CSMD3: variants seen among roughly 807,000 people sequenced by gnomAD.
The protein encoded by CSMD3 is CUB and Sushi multiple domains 3.
In CSMD3, 177 loss-of-function variants were observed where a neutral mutation model predicts 435.2. That is an observed-to-expected ratio of 0.41 (90% CI 0.36 to 0.46). CSMD3 has a LOEUF of 0.46. Ranked by LOEUF, CSMD3 falls within the 20% of genes least tolerant of loss-of-function variation. CSMD3 has a pLI of 0.34. For missense variants in CSMD3, 4,265 were observed against 4,504.6 expected, an observed-to-expected ratio of 0.95 and a Z score of 1.52; for synonymous variants, 1,656 against 1,520.5, an observed-to-expected ratio of 1.09 and a Z score of -2.07.
chr8:112,858,158 A>T (rs2080720233), intron 11 of CSMD3, among the ~76,000 whole-genome samples: 1 of 151,678 alleles, frequency 6.6e-6, no homozygotes, highest in African/African-American at 2.4e-5. Flanking sequence ...AATTCCCGGG[A>T]GGCAATATAT....
intron 13 of CSMD3, among the ~76,000 whole-genome samples, chr8:112,690,699 T>A (rs2076116435): frequency 6.6e-6 from 1 of 151,652 alleles, no homozygotes; most frequent in Admixed American, 6.6e-5. Context: ...GGAAAGAGAT[T>A]GAAAAAAATA....
At chr8:113,038,098 G>C (rs1293310903) in intron 5 of CSMD3, among the ~76,000 whole-genome samples, 1 of 152,118 alleles carries the variant, frequency 6.6e-6, no homozygotes, top group Admixed American at 6.5e-5. Context: ...CAATTAGGCA[G>C]AAAATAGACT....
intron 10 of CSMD3, among the ~76,000 whole-genome samples, chr8:112,890,286 T>C (rs982183857): frequency 4.0e-5 from 6 of 151,618 alleles, no homozygotes; most frequent in African/African-American, 1.5e-4. Flanking sequence ...CCAGCACTTC[T>C]TTTAGAGGGA....
At chr8:112,943,299 T>G (rs966773538) in intron 9 of CSMD3, among the ~76,000 whole-genome samples, 1 of 151,804 alleles carries the variant, frequency 6.6e-6, no homozygotes, top group African/African-American at 2.4e-5. Flanking sequence ...GTCTTCACAG[T>G]GCTTTTTATA....
At chr8:112,267,705 G>A (rs1259407876) in intron 59 of CSMD3, among the ~76,000 whole-genome samples, 1 of 152,098 alleles carries the variant, frequency 6.6e-6, no homozygotes, top group African/African-American at 2.4e-5. Context: ...GCCACCAAAA[G>A]AGAGGACAGA....
chr8:113,400,906 T>C (rs1448212561), intron 1 of CSMD3, among the ~76,000 whole-genome samples: 1 of 151,824 alleles, frequency 6.6e-6, no homozygotes, highest in African/African-American at 2.4e-5. Context: ...TTAAGTTTGA[T>C]TGGAACAAGT....
intron 2 of CSMD3, among the ~76,000 whole-genome samples, chr8:113,307,986 G>A (rs1172613603): frequency 6.6e-6 from 1 of 152,054 alleles, no homozygotes; most frequent in Non-Finnish European, 1.5e-5. Flanking sequence ...TTCACAGAAT[G>A]AGAGCTTTAA....
At chr8:112,300,067 C>T (rs1251300244) in intron 53 of CSMD3, among the ~76,000 whole-genome samples, 1 of 147,972 alleles carries the variant, frequency 6.8e-6, no homozygotes, top group African/African-American at 2.5e-5. Context: ...ATTTAAAATG[C>T]TTTTAAAATT....
At chr8:112,686,753 T>C (rs1034215562) in intron 14 of CSMD3, among the ~76,000 whole-genome samples, 2 of 152,272 alleles carry the variant, frequency 1.3e-5, no homozygotes, top group East Asian at 1.9e-4. Flanking sequence ...CCGTAAGTAA[T>C]GGGATTACAG....
intron 9 of CSMD3, among the ~76,000 whole-genome samples, chr8:112,924,685 T>G (rs2082857437): frequency 6.6e-6 from 1 of 151,968 alleles, no homozygotes; most frequent in Admixed American, 6.6e-5. Context: ...TAATGGTCTC[T>G]GAAGCTTCTA....
At chr8:112,381,627 T>C (rs1248585453) in intron 37 of CSMD3, among the ~76,000 whole-genome samples, 1 of 152,186 alleles carries the variant, frequency 6.6e-6, no homozygotes, top group African/African-American at 2.4e-5. Context: ...AAAGAATTTA[T>C]TACACAGCAC....
At chr8:113,409,833 G>A (rs1447614819) in intron 1 of CSMD3, among the ~76,000 whole-genome samples, 1 of 151,478 alleles carries the variant, frequency 6.6e-6, no homozygotes, top group African/African-American at 2.4e-5. Flanking sequence ...GAATGCTTTG[G>A]ATTCTTTGGT....
chr8:113,003,234 A>G (rs1379781265), intron 6 of CSMD3, among the ~76,000 whole-genome samples: 3 of 151,874 alleles, frequency 2.0e-5, no homozygotes, highest in African/African-American at 4.8e-5. Context: ...AACCAGAGCA[A>G]AATTCTGTCT....
At chr8:112,609,226 AAAAAAAG>A (rs1833053168) in intron 22 of CSMD3, among the ~76,000 whole-genome samples, 1 of 144,538 alleles carries the variant, frequency 6.9e-6, no homozygotes, top group Admixed American at 7.0e-5. Flanking sequence ...AAAAAAAAAA[AAAAAAAG>A]AATAGAAGAA....
intron 50 of CSMD3, 88 bp from the exon 51 acceptor site, chr8:112,306,280 A>C: frequency 1.1e-6 from 1 of 924,056 alleles, no homozygotes; most frequent in Non-Finnish European, 1.7e-6. Context: ...AAACATGCAA[A>C]ACTAACGGGG....
At chr8:113,408,195 A>G (rs1346516772) in intron 1 of CSMD3, among the ~76,000 whole-genome samples, 2 of 152,118 alleles carry the variant, frequency 1.3e-5, no homozygotes, top group Non-Finnish European at 2.9e-5. Flanking sequence ...ACAGTTCCCC[A>G]TGTGGTTCTA....
chr8:112,550,569 A>T, intron 27 of CSMD3, 102 bp downstream of exon 27: 1 of 661,622 alleles, frequency 1.5e-6, no homozygotes, highest in Non-Finnish European at 2.6e-6. Flanking sequence ...AATATTTAAA[A>T]TCATTAAAAT....
At position 113,292,798 on chromosome 8, in the gene CSMD3, G is replaced by A. The variant is rs372227240; in HGVS notation, c.402-14094C>T. Among the ~76,000 whole-genome samples the A allele has an allele frequency of 2.6e-5, 4 of 151,468 alleles. 1 individual carries two copies. The Admixed American group carries it at 2.6e-4, about 10-fold the overall frequency. On this transcript the variant is annotated intron_variant, in intron 2 of 70. Transcript: ENST00000297405. ...GAGGATTTGCCATTATTTTTTAAAG[G>A]TGAAAACCTCAATTACTTTTGCACC...
intron 59 of CSMD3, among the ~76,000 whole-genome samples, chr8:112,268,235 T>C (rs1325663297): frequency 1.3e-5 from 2 of 152,158 alleles, no homozygotes; most frequent in Non-Finnish European, 2.9e-5. Context: ...AATGAGTACA[T>C]AAAGGAATCA....
Sources: gnomAD v4.1 joint callset for allele counts (sites outside exome capture counted in the v4.1 genomes callset) on GRCh38, gnomAD v4.1.1 for gene constraint, MANE v1.5 for transcripts, NCBI Gene and HGNC (gene_info 2026-07-23, HGNC 2026-07-21) for gene names.